PEAK1: variants seen among roughly 807,000 people sequenced by gnomAD.
The protein encoded by PEAK1 is inactive tyrosine-protein kinase PEAK1.
Under a neutral mutation model 124.7 loss-of-function variants are expected in PEAK1, and 54 were observed. That is an observed-to-expected ratio of 0.43 (90% confidence interval 0.35 to 0.54). The LOEUF (loss-of-function observed/expected upper bound fraction) is 0.54, where lower values mean the gene tolerates loss of function less well. PEAK1 is among the 20% of genes least tolerant of loss of function. The pLI is 0.01. For missense variants in PEAK1, 2,046 were observed against 2,134.5 expected (o/e 0.96, Z 0.82); for synonymous variants, 719 against 760.0 (o/e 0.95, Z 0.89).
At chr15:77,343,263 T>C (rs1842715551) in intron 2 of PEAK1, among the ~76,000 whole-genome samples, 1 of 152,220 alleles carries the variant, frequency 6.6e-6, no homozygotes, top group Non-Finnish European at 1.5e-5. Flanking sequence ...TCATGACTAT[T>C]TGTATCTTTG....
intron 2 of PEAK1, among the ~76,000 whole-genome samples, chr15:77,345,637 A>C (rs2066827357): frequency 6.6e-6 from 1 of 152,224 alleles, no homozygotes; most frequent in Non-Finnish European, 1.5e-5. Context: ...TACAACCCAG[A>C]ATTGGTATAC....
At chr15:77,251,271 T>C (rs2060869116) in intron 6 of PEAK1, among the ~76,000 whole-genome samples, 1 of 152,242 alleles carries the variant, frequency 6.6e-6, no homozygotes, top group Non-Finnish European at 1.5e-5. Flanking sequence ...TAAAGGATCT[T>C]AAGCCTTCAT....
At chr15:77,281,373 T>A (rs117294346) in intron 5 of PEAK1, among the ~76,000 whole-genome samples, 2,487 of 152,266 alleles carry the variant, frequency 0.016, 26 homozygotes, top group Non-Finnish European at 0.029. Flanking sequence ...TAACCCTACA[T>A]AGAAAATCTG....
At chr15:77,396,152 G>A (rs942187323) in intron 1 of PEAK1, among the ~76,000 whole-genome samples, 4 of 151,820 alleles carry the variant, frequency 2.6e-5, no homozygotes, top group African/African-American at 7.3e-5. Flanking sequence ...TTAAAATAAT[G>A]GGTTATTTAA....
chr15:77,218,471 C>T (rs117873713), intron 6 of PEAK1, among the ~76,000 whole-genome samples: 3,169 of 151,852 alleles, frequency 0.021, 44 homozygotes, highest in Non-Finnish European at 0.035. Flanking sequence ...CACTGCAACC[C>T]TGGGATGATT....
rs147439974 is a variant in PEAK1, at chr15:77,392,863, C to G, written c.-666+27143G>C. ...TTTAACTTCATATCACTGAAAGAGGCACTGAAGAGGGTAGGAAAGACAGTG... is the reference window on the plus strand; with the variant it reads ...TTTAACTTCATATCACTGAAAGAGGGACTGAAGAGGGTAGGAAAGACAGTG... On this transcript the variant is annotated intron_variant, in intron 1 of 9. Coordinates refer to ENST00000682557, the MANE Select transcript of PEAK1 (RefSeq NM_001385026.1). Among the ~76,000 whole-genome samples, 729 of 152,298 alleles carry G rather than the reference C, an allele frequency of 4.8e-3. 4 individuals are homozygous for G. Among genetic ancestry groups the G allele is most frequent in the African/African-American group, 0.016 (675 of 41,544 alleles).
intron 2 of PEAK1, among the ~76,000 whole-genome samples, chr15:77,289,637 T>A (rs1170516420): frequency 6.6e-6 from 1 of 151,978 alleles, no homozygotes; most frequent in African/African-American, 2.4e-5. Context: ...GGAGCTCGAG[T>A]CCAGCCTAGC....
At chr15:77,231,288 T>C (rs2059900869) in intron 6 of PEAK1, among the ~76,000 whole-genome samples, 1 of 152,202 alleles carries the variant, frequency 6.6e-6, no homozygotes. Flanking sequence ...ACTAATTTCA[T>C]GATGTTTCTT....
At chr15:77,126,804 CA>C (rs1239021976) in intron 9 of PEAK1, among the ~76,000 whole-genome samples, 1 of 152,164 alleles carries the variant, frequency 6.6e-6, no homozygotes, top group Non-Finnish European at 1.5e-5. Flanking sequence ...GATGCCTTTT[CA>C]TTTAAGACCA....
chr15:77,259,037 T>C (rs1299784590), intron 5 of PEAK1, among the ~76,000 whole-genome samples: 1 of 152,218 alleles, frequency 6.6e-6, no homozygotes, highest in Non-Finnish European at 1.5e-5. Flanking sequence ...TTTATTGATT[T>C]GCGTATATTG....
At chr15:77,304,056 C>A (rs1411071718) in intron 2 of PEAK1, among the ~76,000 whole-genome samples, 2 of 152,156 alleles carry the variant, frequency 1.3e-5, no homozygotes, top group East Asian at 3.8e-4. Context: ...TGTGTCTATT[C>A]TTTCACCAAC....
At chr15:77,390,625 T>G (rs551795299) in intron 1 of PEAK1, among the ~76,000 whole-genome samples, 2 of 152,372 alleles carry the variant, frequency 1.3e-5, no homozygotes, top group African/African-American at 4.8e-5. Context: ...GTATCAAATA[T>G]GTACATGTTA....
At chr15:77,255,141 T>C (rs1376786159) in intron 5 of PEAK1, among the ~76,000 whole-genome samples, 1 of 152,070 alleles carries the variant, frequency 6.6e-6, no homozygotes, top group East Asian at 1.9e-4. Flanking sequence ...CTAGAAAAAA[T>C]GTTTCTAAAT....
At chr15:77,199,562 T>C (rs1042486218) in intron 6 of PEAK1, among the ~76,000 whole-genome samples, 1 of 152,154 alleles carries the variant, frequency 6.6e-6, no homozygotes, top group Non-Finnish European at 1.5e-5. Context: ...AACAATAAAT[T>C]CCTCTGGAAA....
chr15:77,201,041 T>C (rs1222407575), intron 6 of PEAK1, among the ~76,000 whole-genome samples: 2 of 151,994 alleles, frequency 1.3e-5, no homozygotes, highest in African/African-American at 4.8e-5. Flanking sequence ...CTACCAAATG[T>C]TTTAGCATTT....
At chr15:77,260,694 G>C (rs2061393141) in intron 5 of PEAK1, among the ~76,000 whole-genome samples, 1 of 152,216 alleles carries the variant, frequency 6.6e-6, no homozygotes, top group African/African-American at 2.4e-5. Context: ...AATAGGAACA[G>C]CTCTAGTCTA....
Position 77,302,701 on chromosome 15 carries a change from G to C in PEAK1, c.-602-16197C>G, listed in dbSNP as rs75072430. ...TTCACTCCCTTCAGTGAGATTATTG[G>C]ATACATTTATAATACATTTAGACTC... On this transcript the variant is annotated intron_variant, in intron 2 of 9. Transcript: ENST00000682557. Among the ~76,000 whole-genome samples, 1,110 of 152,096 alleles carry C rather than the reference G, an allele frequency of 7.3e-3. 15 individuals carry two copies. Among genetic ancestry groups the C allele is most frequent in the African/African-American group, 0.025 (1,054 of 41,470 alleles).
intron 6 of PEAK1, among the ~76,000 whole-genome samples, chr15:77,205,279 A>ATTTTT (rs767703989): frequency 8.1e-5 from 12 of 148,994 alleles, no homozygotes; most frequent in East Asian, 3.9e-4. Flanking sequence ...TTTTTTTAAA[A>ATTTTT]AAAAAAAAAA....
intron 2 of PEAK1, chr15:77,347,321 T>G: frequency 1.0e-6 from 1 of 985,234 alleles, no homozygotes; most frequent in East Asian, 1.1e-4. Context: ...CCAGGAAACC[T>G]TCAACAAAAA....
Sources: gnomAD v4.1 joint callset for allele counts (sites outside exome capture counted in the v4.1 genomes callset) on GRCh38, gnomAD v4.1.1 for gene constraint, MANE v1.5 for transcripts, NCBI Gene and HGNC (gene_info 2026-07-23, HGNC 2026-07-21) for gene names.